The following DCHS2 variants were observed in gnomAD, a reference collection of about 807,000 sequenced individuals.
DCHS2 encodes the protein dachsous cadherin-related 2.
Under a neutral mutation model 182.4 loss-of-function variants are expected in DCHS2, and 142 were observed. The ratio of observed to expected loss-of-function variants is 0.78; its 90% CI spans 0.68 to 0.89. DCHS2 has a LOEUF of 0.89. DCHS2 is among the 40% of genes least tolerant of loss of function. The probability of loss-of-function intolerance (pLI) is 0.00; values close to 1 mark genes in which losing one functional copy is unlikely to be tolerated. For missense variants in DCHS2, 4,319 were observed against 4,198.6 expected (o/e 1.03, Z -0.79); for synonymous variants, 1,740 against 1,663.3 (o/e 1.05, Z -1.12).
intron 3 of DCHS2, chr4:154,343,685 G>C: frequency 7.3e-7 from 1 of 1,367,916 alleles, no homozygotes; most frequent in Non-Finnish European, 9.5e-7. Context: ...TCTGGATTAG[G>C]CTTTGGCTTA....
chr4:154,329,138 T>C (rs779050040), intron 6 of DCHS2, among the ~76,000 whole-genome samples: 1 of 152,314 alleles, frequency 6.6e-6, no homozygotes, highest in South Asian at 2.1e-4. Context: ...CTACAGGTTG[T>C]TCCCCTACCC....
chr4:154,319,428 T>A (rs913994184), intron 9 of DCHS2, among the ~76,000 whole-genome samples: 1 of 151,800 alleles, frequency 6.6e-6, no homozygotes, highest in Admixed American at 6.6e-5. Flanking sequence ...AAATCATCTA[T>A]CTGATGAGGG....
chr4:154,321,092 T>C lies in DCHS2; in HGVS notation c.4307A>G (p.Asn1436Ser), dbSNP rs770243203. 1 of 1,609,680 alleles carries C rather than the reference T, an allele frequency of 6.2e-7. No homozygotes were observed. Among genetic ancestry groups the C allele is most frequent in the Non-Finnish European group, 8.5e-7 (1 of 1,176,334 alleles). The change falls in exon 9 of 20, where the codon AAT (asparagine) becomes AGT (serine). Residue 1436 changes from asparagine (N) to serine (S), a missense_variant. Asn to Ser is a conservative substitution (Grantham distance 46). Transcript: ENST00000357232. The part of the protein sequence containing the change: ...KSSDHLQQHY[N>S]GKLHFSIVAD... The stretch of plus-strand genomic sequence containing the variant: ...AACAATACTAAAATGTAACTTTCCA[T>C]TATAATGTTGTTGAAGGTGATCAGA...
chr4:154,234,704 A>ATGGT lies in DCHS2; in HGVS notation c.9944_9947dup (p.His3316GlnfsTer48), dbSNP rs763094341. ...TCATGCCTTCTGGCAGAGAACCAAGATGGTAGGGGATGGGAGAGCGTGGGT... is the reference window on the plus strand; with the variant it reads ...TCATGCCTTCTGGCAGAGAACCAAGATGGTTGGTAGGGGATGGGAGAGCGTGGGT... On this transcript the variant is annotated frameshift_variant, in exon 20 of 20. Coordinates refer to ENST00000357232, the MANE Select transcript of DCHS2 (RefSeq NM_001358235.2). LOFTEE classifies it low-confidence loss of function (END_TRUNC). The ATGGT allele has an allele frequency of 6.2e-7, 1 of 1,613,986 alleles. No individual in the cohort carries two copies. Among genetic ancestry groups the ATGGT allele is most frequent in the Non-Finnish European group, 8.5e-7 (1 of 1,179,934 alleles).
At position 154,332,839 on chromosome 4, in the gene DCHS2, CGAGTACCT is replaced by C. The variant is rs761629494; in HGVS notation, c.3361_3368del (p.Arg1121AlafsTer26). On this transcript the variant is annotated frameshift_variant, in exon 5 of 20. Coordinates refer to ENST00000357232, the MANE Select transcript of DCHS2 (RefSeq NM_001358235.2). LOFTEE classifies it high-confidence loss of function. ...TAGCAGAGTCTACGCTGGGTTCCAG[CGAGTACCT>C]AAGAGGCGAGGCTGCACGCTGGGGG... 20 of 1,614,212 alleles carry C rather than the reference CGAGTACCT, an allele frequency of 1.2e-5. No individual in the cohort carries two copies. The African/African-American group carries it at 2.7e-4, about 22-fold the overall frequency.
intron 1 of DCHS2, among the ~76,000 whole-genome samples, chr4:154,387,710 A>G (rs988123011): frequency 6.6e-6 from 1 of 152,134 alleles, no homozygotes; most frequent in Non-Finnish European, 1.5e-5. Context: ...AAAGGCTTAA[A>G]CTCCATTATG....
intron 1 of DCHS2, among the ~76,000 whole-genome samples, chr4:154,394,222 A>T (rs562182379): frequency 1.1e-4 from 17 of 152,268 alleles, no homozygotes; most frequent in African/African-American, 3.6e-4. Flanking sequence ...CCAGACTAAC[A>T]ACACCGTACA....
intron 13 of DCHS2, among the ~76,000 whole-genome samples, chr4:154,289,137 T>A (rs1734539119): frequency 1.3e-5 from 2 of 151,676 alleles, no homozygotes; most frequent in South Asian, 2.1e-4. Flanking sequence ...AATACAAAGA[T>A]CAATGAAACA....
intron 1 of DCHS2, among the ~76,000 whole-genome samples, chr4:154,419,728 G>A (rs1733023254): frequency 6.7e-6 from 1 of 149,840 alleles, no homozygotes; most frequent in Non-Finnish European, 1.5e-5. Flanking sequence ...TAGAGGAAAG[G>A]AGTCATCTAA....
intron 13 of DCHS2, chr4:154,272,107 T>C (rs1331997641): frequency 6.6e-6 from 1 of 152,204 alleles, no homozygotes; most frequent in Non-Finnish European, 1.5e-5. Flanking sequence ...TTCATACAAT[T>C]GTTATTGCAG....
At chr4:154,472,037 A>AT (rs11411560) in intron 1 of DCHS2, among the ~76,000 whole-genome samples, 139,472 of 152,186 alleles carry the variant, frequency 0.92, 65,159 homozygotes, top group East Asian at 1. Context: ...ACAACTTGCT[A>AT]TTAAAGTACA....
At chr4:154,256,390 C>A (rs1181054160) in intron 15 of DCHS2, among the ~76,000 whole-genome samples, 2 of 152,140 alleles carry the variant, frequency 1.3e-5, no homozygotes, top group African/African-American at 4.8e-5. Flanking sequence ...CTGCATCAGC[C>A]TCCCAAAGTG....
At chr4:154,400,061 T>C (rs1732095215) in intron 1 of DCHS2, among the ~76,000 whole-genome samples, 1 of 151,956 alleles carries the variant, frequency 6.6e-6, no homozygotes, top group South Asian at 2.1e-4. Flanking sequence ...CCCAGCACTT[T>C]GGGAGGCCGA....
chr4:154,445,896 C>T (rs898503354), intron 1 of DCHS2, among the ~76,000 whole-genome samples: 1 of 151,352 alleles, frequency 6.6e-6, no homozygotes, highest in Non-Finnish European at 1.5e-5. Flanking sequence ...AGAACAAAAA[C>T]TGATGATAGA....
intron 1 of DCHS2, among the ~76,000 whole-genome samples, chr4:154,410,470 C>CAAA (rs61280673): frequency 0.014 from 960 of 70,270 alleles, 18 homozygotes; most frequent in African/African-American, 0.042. Flanking sequence ...ACCCAGAGGG[C>CAAA]AAAAAAAAAA....
chr4:154,413,638 A>G (rs1055233363), intron 1 of DCHS2, among the ~76,000 whole-genome samples: 2 of 152,174 alleles, frequency 1.3e-5, no homozygotes, highest in Non-Finnish European at 2.9e-5. Context: ...GGTTAGGCCA[A>G]TGGGGGAGCC....
chr4:154,318,510 T>C (rs1217027696), intron 9 of DCHS2, among the ~76,000 whole-genome samples: 1 of 151,736 alleles, frequency 6.6e-6, no homozygotes, highest in Non-Finnish European at 1.5e-5. Flanking sequence ...AACAAATAAA[T>C]TCAGAAAAGG....
chr4:154,454,173 G>A (rs1294642892), intron 1 of DCHS2, among the ~76,000 whole-genome samples: 8 of 151,614 alleles, frequency 5.3e-5, no homozygotes, highest in Admixed American at 4.6e-4. Context: ...CCAGGATATC[G>A]ATGTACTCAG....
intron 1 of DCHS2, among the ~76,000 whole-genome samples, chr4:154,443,926 T>A (rs962211267): frequency 2.6e-5 from 4 of 152,202 alleles, no homozygotes; most frequent in African/African-American, 9.7e-5. Context: ...TAGCCCTCAT[T>A]TGTATCCAGC....
Sources: allele counts gnomAD v4.1 joint callset (sites outside exome capture counted in the v4.1 genomes callset), GRCh38; gene constraint gnomAD v4.1.1; transcripts MANE v1.5; gene names NCBI Gene and HGNC (gene_info 2026-07-23, HGNC 2026-07-21).